DAP3: variants seen among roughly 807,000 people sequenced by gnomAD.
DAP3 encodes the protein small ribosomal subunit protein mS29.
In DAP3, 28 loss-of-function variants were observed where a neutral mutation model predicts 51.9. The ratio of observed to expected loss-of-function variants is 0.54; its 90% CI spans 0.40 to 0.74. The LOEUF is 0.74. Among genes scored for constraint, DAP3 ranks in the 30% least tolerant of loss-of-function variants. DAP3 has a pLI of 0.00. For synonymous variants in DAP3, 170 were observed against 170.3 expected (o/e 1.00, Z 0.01); for missense variants, 458 against 483.5 (o/e 0.95, Z 0.49).
At chr1:155,727,256 GAA>G (rs1394554371) in intron 6 of DAP3, among the ~76,000 whole-genome samples, 1 of 152,038 alleles carries the variant, frequency 6.6e-6, no homozygotes, top group Non-Finnish European at 1.5e-5. Flanking sequence ...CCAGAAAGCA[GAA>G]GTGATATTTA....
At chr1:155,706,653 G>C (rs934173627) in intron 1 of DAP3, among the ~76,000 whole-genome samples, 1 of 151,870 alleles carries the variant, frequency 6.6e-6, no homozygotes, top group Non-Finnish European at 1.5e-5. Flanking sequence ...TGTAGTCCCA[G>C]CTATTTAGGC....
At chr1:155,689,072 G>T, upstream of DAP3, 2 of 1,498,110 alleles carry the variant, frequency 1.3e-6, no homozygotes, top group Non-Finnish European at 9.0e-7. Flanking sequence ...TTTCCTGCCG[G>T]ATGACCCGAC....
At chr1:155,688,183 C>T, upstream of DAP3, 1 of 1,613,916 alleles carries the variant, frequency 6.2e-7, no homozygotes, top group Non-Finnish European at 8.5e-7. Context: ...TGTCAGGAGG[C>T]GGCCAGCGGG....
At chr1:155,689,078 C>T, upstream of DAP3, 1 of 1,484,784 alleles carries the variant, frequency 6.7e-7, no homozygotes, top group Non-Finnish European at 9.1e-7. Context: ...GCCGGATGAC[C>T]CGACCCTTTT....
intron 6 of DAP3, chr1:155,726,265 C>T: frequency 3.4e-6 from 1 of 290,270 alleles, no homozygotes; most frequent in Non-Finnish European, 6.3e-6. Context: ...AGGCGCCCAC[C>T]ACACCACCAC....
At chr1:155,718,696 A>AAAGC (rs1657616804) in intron 3 of DAP3, among the ~76,000 whole-genome samples, 6 of 139,198 alleles carry the variant, frequency 4.3e-5, no homozygotes, top group African/African-American at 1.6e-4. Context: ...AAAAAAAAAA[A>AAAGC]AAGAAAGAAA....
intron 9 of DAP3, among the ~76,000 whole-genome samples, chr1:155,730,872 T>C (rs1164206873): frequency 6.6e-6 from 1 of 152,156 alleles, no homozygotes; most frequent in Non-Finnish European, 1.5e-5. Flanking sequence ...TCTCAGTGAC[T>C]GTTAATCTCC....
intron 1 of DAP3, among the ~76,000 whole-genome samples, chr1:155,700,243 A>C (rs1488381983): frequency 1.3e-5 from 2 of 152,184 alleles, no homozygotes; most frequent in Non-Finnish European, 2.9e-5. Context: ...CCTTGAGTTG[A>C]CTTTATTGTT....
chr1:155,709,851 T>C, intron 2 of DAP3, 27 bp downstream of exon 2: 1 of 1,604,848 alleles, frequency 6.2e-7, no homozygotes. Flanking sequence ...CTGAACACTC[T>C]GTGCATACTG....
At chr1:155,690,405 T>C (rs1653602861) in intron 1 of DAP3, among the ~76,000 whole-genome samples, 1 of 140,590 alleles carries the variant, frequency 7.1e-6, no homozygotes, top group Admixed American at 6.6e-5. Context: ...ACACAAAAAT[T>C]AGACAGGTGT....
intron 1 of DAP3, among the ~76,000 whole-genome samples, chr1:155,707,134 C>G (rs1656091127): frequency 7.7e-6 from 1 of 129,660 alleles, no homozygotes; most frequent in Admixed American, 7.8e-5. Flanking sequence ...TTATAATAGG[C>G]CAGGCGCGGT....
rs1288506138 is a variant in DAP3 at position 155,724,904 on chromosome 1, AG to A, written c.271-477del. On this transcript the variant is annotated intron_variant, in intron 4 of 12. Transcript: ENST00000368336. ...GGGAGGCAGAGGTTGTGGTGAGCCG[AG>A]ATCGTGCCATTGCACTCCAGCCTGG... Among the ~76,000 whole-genome samples, 18 of 151,952 alleles carry A rather than the reference AG, an allele frequency of 1.2e-4. No individual in the cohort carries two copies. The East Asian group carries it at 3.3e-3, about 28-fold the overall frequency.
Position 155,738,317 on chromosome 1 carries a change from C to T in DAP3, c.*75C>T, listed in dbSNP as rs1428783641. On this transcript the variant is annotated 3_prime_UTR_variant, in exon 13 of 13. Coordinates refer to ENST00000368336, the MANE Select transcript of DAP3 (RefSeq NM_004632.4). ...GACCCAGTAAGATGAGGAAGTCGGG[C>T]AGTACACAGGAAGAGGAGCCAGGCC... 1 of 1,535,096 alleles carries T rather than the reference C, an allele frequency of 6.5e-7. No individual in the cohort carries two copies. The highest frequency in any genetic ancestry group is 2.3e-5 in the East Asian group (1 of 43,400).
intron 6 of DAP3, among the ~76,000 whole-genome samples, chr1:155,727,316 C>A (rs1473651491): frequency 1.3e-5 from 2 of 151,638 alleles, no homozygotes; most frequent in Non-Finnish European, 2.9e-5. Context: ...AATGTTTAGT[C>A]TAAGATGGAC....
At chr1:155,700,624 G>A (rs1159645002) in intron 1 of DAP3, among the ~76,000 whole-genome samples, 2 of 113,416 alleles carry the variant, frequency 1.8e-5, no homozygotes, top group African/African-American at 3.4e-5. Flanking sequence ...GGGGCGCCTC[G>A]GCCCGGCCGC....
At chr1:155,728,932 G>T (rs904694853) in intron 7 of DAP3, 110 bp from the exon 8 acceptor site, 8 of 976,166 alleles carry the variant, frequency 8.2e-6, no homozygotes, top group Non-Finnish European at 1.2e-5. Flanking sequence ...CTGAACAATA[G>T]ATTAAAATGA....
chr1:155,713,833 G>A (rs1168309938), intron 2 of DAP3, among the ~76,000 whole-genome samples: 1 of 152,140 alleles, frequency 6.6e-6, no homozygotes, highest in Non-Finnish European at 1.5e-5. Context: ...TTTAAAACTA[G>A]TACATGTACA....
chr1:155,714,159 T>C (rs1329203961), intron 2 of DAP3, among the ~76,000 whole-genome samples: 1 of 152,218 alleles, frequency 6.6e-6, no homozygotes, highest in Non-Finnish European at 1.5e-5. Context: ...TAGGCTGAAG[T>C]CATCACAGTG....
chr1:155,698,128 A>G (rs1654758217), intron 1 of DAP3, among the ~76,000 whole-genome samples: 2 of 152,172 alleles, frequency 1.3e-5, no homozygotes, highest in Non-Finnish European at 2.9e-5. Context: ...ATTCAAACAC[A>G]AATGCTTTAC....
Sources: gnomAD v4.1 joint callset for allele counts (sites outside exome capture counted in the v4.1 genomes callset) on GRCh38, gnomAD v4.1.1 for gene constraint, MANE v1.5 for transcripts, NCBI Gene and HGNC (gene_info 2026-07-23, HGNC 2026-07-21) for gene names.